The following CLNK variants were observed in gnomAD, a reference collection of about 807,000 sequenced individuals.
CLNK encodes cytokine-dependent hematopoietic cell linker.
Under a neutral mutation model 68.6 loss-of-function variants are expected in CLNK, and 74 were observed. That is an observed-to-expected ratio of 1.08 (90% CI 0.89 to 1.31). The LOEUF is 1.31. Ranked by LOEUF, CLNK falls within the 50% of genes most tolerant of loss-of-function variation. The pLI is 0.00. For synonymous variants in CLNK, 198 were observed against 172.2 expected (o/e 1.15, Z -1.17); for missense variants, 553 against 515.3 (o/e 1.07, Z -0.71).
At chr4:10,547,820 T>C (rs555371318) in intron 8 of CLNK, among the ~76,000 whole-genome samples, 1 of 152,232 alleles carries the variant, frequency 6.6e-6, no homozygotes, top group South Asian at 2.1e-4. Flanking sequence ...AATGGAAAAA[T>C]TTCCTTCCCC....
intron 4 of CLNK, among the ~76,000 whole-genome samples, chr4:10,573,094 G>T (rs1471235850): frequency 2.0e-5 from 3 of 152,180 alleles, no homozygotes; most frequent in African/African-American, 7.2e-5. Flanking sequence ...CTCACAAAGT[G>T]CTGGGATTGC....
chr4:10,691,136 G>A, the CLNK span, among the ~76,000 whole-genome samples: 2 of 152,086 alleles, frequency 1.3e-5, no homozygotes, highest in Non-Finnish European at 2.9e-5. Context: ...AAGTTCCAAG[G>A]AAGAATTAGC....
At position 10,585,239 on chromosome 4, in the gene CLNK, A is replaced by G. The variant is rs541322078; in HGVS notation, c.84-284T>C. ...TGTAAATAGCTGTATACGTACCTGA[A>G]GATGTATGCATACATTTAAACACAT... On this transcript the variant is annotated intron_variant, in intron 3 of 18. Transcript: ENST00000226951. Among the ~76,000 whole-genome samples the G allele has an allele frequency of 2.0e-5, 3 of 152,376 alleles. No homozygotes were observed. In the South Asian group the frequency reaches 6.2e-4, roughly 32 times the overall value.
chr4:10,675,680 A>T (rs1277937963), intron 1 of CLNK, among the ~76,000 whole-genome samples: 4 of 152,204 alleles, frequency 2.6e-5, no homozygotes, highest in Non-Finnish European at 1.5e-5. Context: ...GCTTATGAAA[A>T]TACTGGCCTC....
intron 11 of CLNK, among the ~76,000 whole-genome samples, chr4:10,538,866 C>G (rs1351133726): frequency 6.6e-6 from 1 of 152,090 alleles, no homozygotes; most frequent in South Asian, 2.1e-4. Flanking sequence ...AATAAAAGTG[C>G]AATAAGTGTT....
intron 1 of CLNK, among the ~76,000 whole-genome samples, chr4:10,683,871 G>T (rs1234655120): frequency 6.6e-6 from 1 of 152,166 alleles, no homozygotes; most frequent in Admixed American, 6.6e-5. Context: ...GACAGCCAGA[G>T]AAATAGCCAT....
At chr4:10,718,232 GA>G in the CLNK span, among the ~76,000 whole-genome samples, 1 of 152,106 alleles carries the variant, frequency 6.6e-6, no homozygotes, top group East Asian at 1.9e-4. Flanking sequence ...GAGAAAGAGG[GA>G]AGGGTTGAAA....
chr4:10,528,952 T>C (rs971613104), intron 12 of CLNK, among the ~76,000 whole-genome samples: 2 of 152,242 alleles, frequency 1.3e-5, no homozygotes, highest in Non-Finnish European at 1.5e-5. Context: ...TCATCCTTCA[T>C]TATGGAAATG....
At chr4:10,596,502 A>C (rs1266560943) in intron 3 of CLNK, among the ~76,000 whole-genome samples, 3 of 152,250 alleles carry the variant, frequency 2.0e-5, no homozygotes, top group East Asian at 3.8e-4. Flanking sequence ...AAATATTGAT[A>C]ATTATAATTT....
chr4:10,501,386 C>A lies in CLNK; in HGVS notation c.1010G>T (p.Cys337Phe), dbSNP rs1477082937. Reference sequence around the variant, plus strand: ...GGGCTCTTCCTTGGATTTTGTGGAACAATCTCGGACCAAGAAACTACCATC... The same window carrying A: ...GGGCTCTTCCTTGGATTTTGTGGAAAAATCTCGGACCAAGAAACTACCATC... ...NKDGSFLVRD[C>F]STKSKEEPYV... Residue 337 changes from cysteine (C) to phenylalanine (F), a missense_variant, in exon 18 of 19, where the codon TGT becomes TTT. Cys to Phe is a radical substitution (Grantham distance 205). Coordinates refer to ENST00000226951, the MANE Select transcript of CLNK (RefSeq NM_052964.4). 1.2e-6 allele frequency: 2 copies of A among 1,609,550 alleles called. No homozygotes were observed. Among genetic ancestry groups the A allele is most frequent in the Non-Finnish European group, 1.7e-6 (2 of 1,178,608 alleles).
intron 8 of CLNK, among the ~76,000 whole-genome samples, chr4:10,544,190 G>T (rs1035651241): frequency 6.6e-6 from 1 of 152,162 alleles, no homozygotes; most frequent in African/African-American, 2.4e-5. Flanking sequence ...ATTCAATAAA[G>T]AGACTGAGTT....
At chr4:10,663,747 AC>A (rs1472887090) in intron 2 of CLNK, among the ~76,000 whole-genome samples, 1 of 152,142 alleles carries the variant, frequency 6.6e-6, no homozygotes, top group Non-Finnish European at 1.5e-5. Flanking sequence ...ATGTTTGTGA[AC>A]CCCTTAACTT....
intron 2 of CLNK, among the ~76,000 whole-genome samples, chr4:10,602,400 G>T (rs974054031): frequency 2.0e-5 from 3 of 152,238 alleles, no homozygotes; most frequent in African/African-American, 7.2e-5. Context: ...CTTGAGATCA[G>T]ATGATCTTGG....
chr4:10,653,207 G>C (rs949530963), intron 2 of CLNK, among the ~76,000 whole-genome samples: 2 of 152,066 alleles, frequency 1.3e-5, no homozygotes, highest in African/African-American at 4.8e-5. Flanking sequence ...GGGGGCTAGG[G>C]GAGGGATAGA....
chr4:10,510,266 G>GC (rs1484836820), intron 16 of CLNK, among the ~76,000 whole-genome samples: 1 of 151,948 alleles, frequency 6.6e-6, no homozygotes, highest in Non-Finnish European at 1.5e-5. Context: ...TCTCTTTCTA[G>GC]CCCCCCTGAA....
At chr4:10,708,483 T>G in the CLNK span, among the ~76,000 whole-genome samples, 1 of 152,162 alleles carries the variant, frequency 6.6e-6, no homozygotes, top group African/African-American at 2.4e-5. Flanking sequence ...GGAGTCGAGA[T>G]GCACCTCTTA....
intron 2 of CLNK, among the ~76,000 whole-genome samples, chr4:10,621,903 C>A (rs998625040): frequency 6.6e-6 from 1 of 152,152 alleles, no homozygotes; most frequent in African/African-American, 2.4e-5. Flanking sequence ...AGTGGATCAG[C>A]ACTGTGCCAT....
chr4:10,554,929 G>A (rs560045192), intron 8 of CLNK, among the ~76,000 whole-genome samples: 2 of 152,314 alleles, frequency 1.3e-5, no homozygotes, highest in South Asian at 2.1e-4. Context: ...AGCAAACACA[G>A]AAAACCCTGG....
intron 2 of CLNK, among the ~76,000 whole-genome samples, chr4:10,647,501 A>G (rs935531940): frequency 1.3e-5 from 2 of 152,196 alleles, no homozygotes. Flanking sequence ...AAGAACAAGA[A>G]GGGAATTTAA....
Sources: allele counts gnomAD v4.1 joint callset (sites outside exome capture counted in the v4.1 genomes callset), GRCh38; gene constraint gnomAD v4.1.1; transcripts MANE v1.5; gene names NCBI Gene and HGNC (gene_info 2026-07-23, HGNC 2026-07-21).